The following NLRP5 variants were observed in gnomAD, a reference collection of about 807,000 sequenced individuals.
The protein encoded by NLRP5 is NACHT, LRR and PYD domains-containing protein 5.
Under a neutral mutation model 113.1 loss-of-function variants are expected in NLRP5, and 93 were observed. The observed-to-expected ratio is 0.82, with a 90% CI of 0.70 to 0.98. The LOEUF (loss-of-function observed/expected upper bound fraction) is 0.98, where lower values mean the gene tolerates loss of function less well. Ranked by LOEUF, NLRP5 falls within the 50% of genes least tolerant of loss-of-function variation. The pLI is 0.00. For synonymous variants in NLRP5, 751 were observed against 600.7 expected, an observed-to-expected ratio of 1.25 and a Z score of -3.66; for missense variants, 1,808 against 1,514.3, an observed-to-expected ratio of 1.19 and a Z score of -3.22.
the NLRP5 span, chr19:55,987,797 C>A: frequency 1.3e-6 from 2 of 1,596,500 alleles, no homozygotes; most frequent in Non-Finnish European, 1.7e-6. Flanking sequence ...CAGCAGCCTT[C>A]CTTTACCTCC....
chr19:56,012,340 G>A (rs145422457), intron 3 of NLRP5, among the ~76,000 whole-genome samples: 5,660 of 151,804 alleles, frequency 0.037, 123 homozygotes, highest in Admixed American at 0.06. Flanking sequence ...AGTAGAGATG[G>A]GGTTTCACCA....
rs201469258 is a variant in NLRP5 at position 56,060,725 on chromosome 19, T to TA, written c.3471-670dup. Reference sequence around the variant, plus strand: ...AGTATCTGACATATCCAAGTTTTTTTACATGCAGAGAATTACTTTTATTCT... The same window carrying TA: ...AGTATCTGACATATCCAAGTTTTTTTAACATGCAGAGAATTACTTTTATTCT... On this transcript the variant is annotated intron_variant, in intron 14 of 14. Transcript: ENST00000390649. 8.0e-3 allele frequency among the ~76,000 whole-genome samples: 1,213 copies of TA among 152,166 alleles called. 8 individuals are homozygous for TA. Among genetic ancestry groups the TA allele is most frequent in the South Asian group, 0.049 (234 of 4,824 alleles).
At chr19:56,022,934 C>G (rs1982673752) in intron 6 of NLRP5, among the ~76,000 whole-genome samples, 1 of 152,158 alleles carries the variant, frequency 6.6e-6, no homozygotes, top group African/African-American at 2.4e-5. Flanking sequence ...CCATATTGGT[C>G]AGGCTGGTCT....
chr19:55,991,759 A>T, the NLRP5 span, among the ~76,000 whole-genome samples: 2 of 152,136 alleles, frequency 1.3e-5, no homozygotes, highest in Non-Finnish European at 2.9e-5. Flanking sequence ...TCTTTATCTG[A>T]TTGCTTTCCT....
chr19:55,994,476 TAACC>T, the NLRP5 span, among the ~76,000 whole-genome samples: 1 of 152,156 alleles, frequency 6.6e-6, no homozygotes, highest in East Asian at 1.9e-4. Context: ...CAGCTCACTG[TAACC>T]TCCAACTCCC....
intron 13 of NLRP5, 76 bp from the exon 14 acceptor site, chr19:56,058,164 G>A: frequency 9.1e-7 from 1 of 1,104,044 alleles, no homozygotes. Flanking sequence ...AAGTATCAAG[G>A]TGAAATTCAT....
rs996490073 is a variant in NLRP5 at position 56,026,963 on chromosome 19, G to T, written c.730G>T (p.Ala244Ser). Reference sequence around the variant, plus strand: ...CAAGAGTCACGTGATGACCAAATTCGCTGAGGAGGAGGATGTACGTCGTAG... The same window carrying T: ...CAAGAGTCACGTGATGACCAAATTCTCTGAGGAGGAGGATGTACGTCGTAG... The change falls in exon 7 of 15, where the codon GCT becomes TCT. Residue 244 changes from alanine to serine, a missense_variant. Ala to Ser is a moderately conservative substitution (Grantham distance 99). Transcript: ENST00000390649. 6.4e-7 allele frequency: 1 copy of T among 1,551,754 alleles called. No homozygotes were observed.
intron 3 of NLRP5, among the ~76,000 whole-genome samples, chr19:56,014,249 A>G (rs759798142): frequency 2.6e-5 from 4 of 152,110 alleles, no homozygotes; most frequent in Admixed American, 2.6e-4. Flanking sequence ...TGGGAGGCCA[A>G]GGCGGTGGAT....
chr19:56,037,741 T>C (rs1038189071), intron 9 of NLRP5, among the ~76,000 whole-genome samples: 2 of 145,838 alleles, frequency 1.4e-5, no homozygotes, highest in African/African-American at 5.1e-5. Flanking sequence ...TTGCTATGAA[T>C]GTTGAGACAA....
intron 11 of NLRP5, among the ~76,000 whole-genome samples, chr19:56,049,899 G>A (rs544483408): frequency 6.6e-6 from 1 of 152,164 alleles, no homozygotes; most frequent in South Asian, 2.1e-4. Context: ...TGTGATTTTG[G>A]GGGGATGTTA....
intron 2 of NLRP5, among the ~76,000 whole-genome samples, chr19:56,004,702 G>T (rs528996690): frequency 6.6e-6 from 1 of 152,028 alleles, no homozygotes. Flanking sequence ...TAGGAGAAAG[G>T]TCATTTAGAA....
At chr19:55,987,594 C>T in the NLRP5 span, among the ~76,000 whole-genome samples, 1 of 152,102 alleles carries the variant, frequency 6.6e-6, no homozygotes. Flanking sequence ...AAATGGCTTG[C>T]CTGGGGTAGA....
Position 56,050,566 on chromosome 19 carries a change from T to C in NLRP5, c.3106T>C (p.Ser1036Pro), listed in dbSNP as rs1239425225. The change falls in exon 12 of 15, where the codon TCT (serine) becomes CCT (proline). Residue 1036 changes from serine to proline, a missense_variant. Transcript: ENST00000390649. ...TCTGTGCGAGGTCATGAGAGAACCATCTTGTCATCTCCAGGACCTGGAGTG... is the reference window on the plus strand; with the variant it reads ...TCTGTGCGAGGTCATGAGAGAACCACCTTGTCATCTCCAGGACCTGGAGTG... The C allele has an allele frequency of 1.2e-6, 2 of 1,613,736 alleles. No homozygotes were observed. Among genetic ancestry groups the C allele is most frequent in the Non-Finnish European group, 1.7e-6 (2 of 1,179,802 alleles).
chr19:56,007,885 G>GTGTA, intron 2 of NLRP5, among the ~76,000 whole-genome samples: 1 of 92,666 alleles, frequency 1.1e-5, no homozygotes, highest in Non-Finnish European at 2.4e-5. Context: ...GTGTGTGTGT[G>GTGTA]TGTGCGCGTG....
At chr19:56,032,899 A>G (rs1983177527) in intron 8 of NLRP5, 118 bp downstream of exon 8, 1 of 1,017,444 alleles carries the variant, frequency 9.8e-7, no homozygotes, top group Non-Finnish European at 1.4e-6. Flanking sequence ...CATAAGTGCC[A>G]CCAAAGGTGT....
rs763226285 is a variant in NLRP5, at chr19:56,033,551, T to C, written c.2457T>C (p.Asn819=). ...CCCTTCCCCATTGCAGGTTTAGAAA[T>C]GCACAGATTACCCCTGGTGTGCAGC... The change falls in exon 9 of 15, where the codon AAT becomes AAC. Residue 819 remains asparagine, a synonymous_variant. Transcript: ENST00000390649. The C allele has an allele frequency of 1.2e-5, 20 of 1,612,630 alleles. No individual in the cohort carries two copies. In the South Asian group the frequency reaches 2.0e-4, roughly 16 times the overall value.
intron 9 of NLRP5, among the ~76,000 whole-genome samples, chr19:56,036,055 A>ATTTTTTTTTTTTTTTTTTT (rs1261118713): frequency 2.2e-5 from 2 of 90,578 alleles, no homozygotes; most frequent in African/African-American, 4.9e-5. Context: ...ATGAATTGAG[A>ATTTTTTTTTTTTTTTTTTT]TTCTTTTTTT....
In NLRP5 at chr19:56,028,405, C is replaced by T. The variant is rs931392661; in HGVS notation, c.2172C>T (p.Ser724=). 5 of 1,613,880 alleles carry T rather than the reference C, an allele frequency of 3.1e-6. No individual in the cohort carries two copies. In the Admixed American group the frequency reaches 5.0e-5, roughly 16 times the overall value. Reference sequence around the variant, plus strand: ...AGAACCTGGACTTGATAGCATCTTCCTTCTGCCTCCAGCACTGTCCGTATT... The same window carrying T: ...AGAACCTGGACTTGATAGCATCTTCTTTCTGCCTCCAGCACTGTCCGTATT... The change falls in exon 7 of 15, where the codon TCC becomes TCT. Residue 724 remains serine (S), a synonymous_variant. Coordinates refer to ENST00000390649, the MANE Select transcript of NLRP5 (RefSeq NM_153447.4).
intron 2 of NLRP5, among the ~76,000 whole-genome samples, chr19:56,008,013 C>G (rs1271314112): frequency 1.5e-5 from 2 of 133,376 alleles, no homozygotes; most frequent in South Asian, 2.5e-4. Context: ...ACTGCAAACT[C>G]CGCCTCCCGG....
Sources: allele counts gnomAD v4.1 joint callset (sites outside exome capture counted in the v4.1 genomes callset), GRCh38; gene constraint gnomAD v4.1.1; transcripts MANE v1.5; gene names NCBI Gene and HGNC (gene_info 2026-07-23, HGNC 2026-07-21).